RORA: variants seen among roughly 807,000 people sequenced by gnomAD.
RORA encodes the protein RAR related orphan receptor A, also known as nuclear receptor ROR-alpha.
A neutral mutation model predicts 69.5 loss-of-function variants in RORA; 7 were observed. The observed-to-expected ratio is 0.10, with a 90% CI of 0.06 to 0.19. The LOEUF (loss-of-function observed/expected upper bound fraction) is 0.19, where lower values mean the gene tolerates loss of function less well. RORA is among the 10% of genes least tolerant of loss of function. RORA has a pLI of 1.00. For missense variants in RORA, 457 were observed against 663.0 expected, an observed-to-expected ratio of 0.69 and a Z score of 3.41; for synonymous variants, 261 against 240.8, an observed-to-expected ratio of 1.08 and a Z score of -0.78.
intron 1 of RORA, among the ~76,000 whole-genome samples, chr15:61,069,503 G>C (rs1341981240): frequency 6.6e-6 from 1 of 152,310 alleles, no homozygotes; most frequent in African/African-American, 2.4e-5. Context: ...CAGGGAAAGA[G>C]GAAGGGGCGA....
At chr15:60,807,512 AC>A (rs1254958494) in intron 1 of RORA, among the ~76,000 whole-genome samples, 5 of 152,228 alleles carry the variant, frequency 3.3e-5, no homozygotes, top group Non-Finnish European at 7.3e-5. Context: ...AAAGCAAGCT[AC>A]AAATTCAATG....
chr15:60,527,494 C>T (rs1393310313), intron 3 of RORA, among the ~76,000 whole-genome samples: 2 of 152,212 alleles, frequency 1.3e-5, no homozygotes, highest in African/African-American at 2.4e-5. Flanking sequence ...CCTGCCCCTC[C>T]TTCCTGGCAG....
At chr15:60,931,958 G>A (rs780853317) in intron 1 of RORA, among the ~76,000 whole-genome samples, 9 of 151,978 alleles carry the variant, frequency 5.9e-5, no homozygotes, top group Admixed American at 3.9e-4. Flanking sequence ...CAGAAATTAG[G>A]GTCTAGAATT....
intron 1 of RORA, among the ~76,000 whole-genome samples, chr15:60,957,635 T>C (rs542243746): frequency 8.5e-5 from 13 of 152,324 alleles, no homozygotes; most frequent in East Asian, 3.9e-4. Flanking sequence ...GATGCACATA[T>C]ACTAATTATT....
intron 1 of RORA, among the ~76,000 whole-genome samples, chr15:61,199,843 C>T (rs2079878730): frequency 6.6e-6 from 1 of 152,146 alleles, no homozygotes; most frequent in South Asian, 2.1e-4. Flanking sequence ...TTTCAGGATT[C>T]CCCAGGCTTG....
At chr15:61,007,775 G>C (rs1398236692) in intron 1 of RORA, among the ~76,000 whole-genome samples, 1 of 146,290 alleles carries the variant, frequency 6.8e-6, no homozygotes, top group East Asian at 2.0e-4. Flanking sequence ...TATAACATTA[G>C]GCTGTTATAT....
At chr15:60,602,926 C>T (rs1341147483) in intron 2 of RORA, among the ~76,000 whole-genome samples, 1 of 152,174 alleles carries the variant, frequency 6.6e-6, no homozygotes, top group Non-Finnish European at 1.5e-5. Flanking sequence ...TCCTCTGTGC[C>T]CCTTTATAGC....
chr15:60,946,184 T>C (rs1333077829), intron 1 of RORA, among the ~76,000 whole-genome samples: 1 of 152,126 alleles, frequency 6.6e-6, no homozygotes, highest in Non-Finnish European at 1.5e-5. Flanking sequence ...CTATGTCCCA[T>C]GGGAGAGCAG....
chr15:60,834,543 A>G (rs2073090207), intron 1 of RORA, among the ~76,000 whole-genome samples: 1 of 152,250 alleles, frequency 6.6e-6, no homozygotes, highest in Non-Finnish European at 1.5e-5. Flanking sequence ...TTGGCAGATT[A>G]CCAAGGTGAT....
At chr15:61,152,401 T>C (rs146847925) in intron 1 of RORA, among the ~76,000 whole-genome samples, 145 of 152,136 alleles carry the variant, frequency 9.5e-4, no homozygotes, top group African/African-American at 3.4e-3. Flanking sequence ...AGATGTTTCC[T>C]TCCAAATCAA....
At chr15:61,186,832 C>G (rs1299621257) in intron 1 of RORA, among the ~76,000 whole-genome samples, 2 of 152,152 alleles carry the variant, frequency 1.3e-5, no homozygotes, top group African/African-American at 4.8e-5. Flanking sequence ...CAGTGCCCTG[C>G]TTGCCCTTCG....
At chr15:61,076,485 C>T (rs1056785589) in intron 1 of RORA, among the ~76,000 whole-genome samples, 1 of 152,056 alleles carries the variant, frequency 6.6e-6, no homozygotes, top group African/African-American at 2.4e-5. Context: ...CCCTGCCTTC[C>T]AGGAACGTGC....
Position 60,912,686 on chromosome 15 carries a change from G to A in RORA, c.167-234000C>T, listed in dbSNP as rs182303861. 2.2e-3 allele frequency among the ~76,000 whole-genome samples: 339 copies of A among 152,200 alleles called. 1 individual carries two copies. The highest frequency in any genetic ancestry group is 7.6e-3 in the African/African-American group (314 of 41,510). ...GGAGAATGGCAGGAACCCGGGCGGC[G>A]GAGCTTGCAGTGAGCCAAGATCGTG... On this transcript the variant is annotated intron_variant, in intron 1 of 10. Coordinates refer to ENST00000335670, the MANE Select transcript of RORA (RefSeq NM_134261.3).
At chr15:60,843,379 C>A (rs1040074834) in intron 1 of RORA, among the ~76,000 whole-genome samples, 8 of 152,128 alleles carry the variant, frequency 5.3e-5, no homozygotes, top group Non-Finnish European at 7.4e-5. Context: ...GTGAGGACAT[C>A]GGAGCCTGGA....
chr15:60,872,338 G>T (rs1030251199), intron 1 of RORA, among the ~76,000 whole-genome samples: 6 of 152,178 alleles, frequency 3.9e-5, no homozygotes, highest in African/African-American at 1.4e-4. Context: ...TCAAAATGCG[G>T]TCTGAGCAAG....
In RORA at chr15:61,064,233, A is replaced by G. The variant is rs370906761; in HGVS notation, c.166+164820T>C. Among the ~76,000 whole-genome samples the G allele has an allele frequency of 6.6e-5, 10 of 152,246 alleles. No individual in the cohort carries two copies. In the East Asian group the frequency reaches 1.7e-3, roughly 26 times the overall value. ...TCACATTTTGAAGGGAAAGACACCA[A>G]CTCACATCACATCATCAAGAACAAT... On this transcript the variant is annotated intron_variant, in intron 1 of 10. Transcript: ENST00000335670.
chr15:61,049,078 G>C (rs1488182974), intron 1 of RORA, among the ~76,000 whole-genome samples: 2 of 152,174 alleles, frequency 1.3e-5, no homozygotes, highest in Non-Finnish European at 2.9e-5. Context: ...CACATCTGCT[G>C]AAGTTGACTG....
chr15:60,604,362 C>A (rs1462842157), intron 2 of RORA, among the ~76,000 whole-genome samples: 1 of 152,074 alleles, frequency 6.6e-6, no homozygotes, highest in Non-Finnish European at 1.5e-5. Context: ...AGTGAGTATG[C>A]AAATTTGTAA....
chr15:60,782,499 C>T (rs1567189058), intron 1 of RORA, among the ~76,000 whole-genome samples: 2 of 152,084 alleles, frequency 1.3e-5, no homozygotes, highest in Admixed American at 6.6e-5. Flanking sequence ...TTTGGTAAGT[C>T]CGTTTCTCTT....
Sources: allele counts gnomAD v4.1 joint callset (sites outside exome capture counted in the v4.1 genomes callset), GRCh38; gene constraint gnomAD v4.1.1; transcripts MANE v1.5; gene names NCBI Gene and HGNC (gene_info 2026-07-23, HGNC 2026-07-21).